Variants in FBXO11 observed in about 807,000 individuals in gnomAD.
FBXO11 encodes the protein F-box only protein 11.
In FBXO11, 13 loss-of-function variants were observed where a neutral mutation model predicts 117.0. That is an observed-to-expected ratio of 0.11 (90% CI 0.07 to 0.18). The LOEUF is 0.18. Among genes scored for constraint, FBXO11 ranks in the 10% least tolerant of loss-of-function variants. The pLI is 1.00. For missense variants in FBXO11, 767 were observed against 1,164.4 expected (o/e 0.66, Z 4.97); for synonymous variants, 490 against 380.5 (o/e 1.29, Z -3.35).
chr2:47,902,284 G>T (rs1678354556), intron 1 of FBXO11, among the ~76,000 whole-genome samples: 1 of 152,164 alleles, frequency 6.6e-6, no homozygotes, highest in African/African-American at 2.4e-5. Context: ...AGGAATTTAA[G>T]AAATTAAAAA....
rs751139104 is a variant in FBXO11 at position 47,832,493 on chromosome 2, C to G, written c.1261-7G>C. On this transcript the variant is annotated splice_polypyrimidine_tract_variant and splice_region_variant and intron_variant, in intron 10 of 22. Coordinates refer to ENST00000403359, the MANE Select transcript of FBXO11 (RefSeq NM_001190274.2). ...CATTATCCTCATATATTCCCTACAA[C>G]AAGTTATCAGAAACAAACATCAGTA... 19 of 1,611,228 alleles carry G rather than the reference C, an allele frequency of 1.2e-5. No homozygotes were observed. Among genetic ancestry groups the G allele is most frequent in the Non-Finnish European group, 1.4e-5 (17 of 1,178,960 alleles).
chr2:47,890,455 C>T (rs1429594851), intron 1 of FBXO11, among the ~76,000 whole-genome samples: 1 of 152,048 alleles, frequency 6.6e-6, no homozygotes, highest in Non-Finnish European at 1.5e-5. Context: ...TTAAAATGCC[C>T]TACATGGGGA....
chr2:47,823,690 T>A (rs1671542335), intron 11 of FBXO11, among the ~76,000 whole-genome samples: 1 of 151,832 alleles, frequency 6.6e-6, no homozygotes, highest in African/African-American at 2.4e-5. Flanking sequence ...GAGTCAGAGG[T>A]TGCAGTGAGC....
intron 16 of FBXO11, 47 bp downstream of exon 16, chr2:47,818,732 T>C: frequency 1.5e-6 from 2 of 1,362,944 alleles, no homozygotes; most frequent in South Asian, 1.4e-5. Flanking sequence ...ACACCCCACA[T>C]ACTCCTAACT....
At chr2:47,871,312 A>C (rs994898791) in intron 1 of FBXO11, among the ~76,000 whole-genome samples, 1 of 152,196 alleles carries the variant, frequency 6.6e-6, no homozygotes, top group African/African-American at 2.4e-5. Context: ...TTAGCAAGAC[A>C]CTGAAGCCTC....
Position 47,821,201 on chromosome 2 carries a change from G to A in FBXO11, c.1703-745C>T, listed in dbSNP as rs6732695. Among the ~76,000 whole-genome samples, 717 of 152,316 alleles carry A rather than the reference G, an allele frequency of 4.7e-3. 4 individuals are homozygous for A. Among genetic ancestry groups the A allele is most frequent in the African/African-American group, 0.017 (686 of 41,568 alleles). On this transcript the variant is annotated intron_variant, in intron 13 of 22. Transcript: ENST00000403359. Reference sequence around the variant, plus strand: ...TTATTAAGCATTTAGGCCAGGCGTGGTGGCTCATACCTGTAATCCCAGCAA... The same window carrying A: ...TTATTAAGCATTTAGGCCAGGCGTGATGGCTCATACCTGTAATCCCAGCAA...
chr2:47,814,007 G>A (rs1667349131), intron 16 of FBXO11, 140 bp from the exon 17 acceptor site: 1 of 617,946 alleles, frequency 1.6e-6, no homozygotes, highest in Non-Finnish European at 2.9e-6. Flanking sequence ...GATGCCCTGA[G>A]AAGAAAGTGG....
chr2:47,890,640 C>G (rs969800090), intron 1 of FBXO11, among the ~76,000 whole-genome samples: 3 of 151,894 alleles, frequency 2.0e-5, no homozygotes, highest in Non-Finnish European at 4.4e-5. Context: ...CCCATCTCTA[C>G]TAAAAATACA....
intron 1 of FBXO11, among the ~76,000 whole-genome samples, chr2:47,844,972 T>C (rs997721346): frequency 2.0e-5 from 3 of 152,240 alleles, no homozygotes; most frequent in Non-Finnish European, 2.9e-5. Flanking sequence ...GTTTGTAGTA[T>C]GCATGCATGT....
At chr2:47,850,022 G>A (rs1165380165) in intron 1 of FBXO11, among the ~76,000 whole-genome samples, 3 of 152,200 alleles carry the variant, frequency 2.0e-5, no homozygotes, top group African/African-American at 7.2e-5. Context: ...GAAATGAATA[G>A]CACTGGTGGC....
chr2:47,833,631 CTCAG>C (rs1399819030), intron 7 of FBXO11, among the ~76,000 whole-genome samples: 2 of 152,198 alleles, frequency 1.3e-5, no homozygotes, highest in African/African-American at 2.4e-5. Context: ...CTTCAAATGA[CTCAG>C]TGTTTGACAG....
intron 18 of FBXO11, among the ~76,000 whole-genome samples, chr2:47,812,642 T>A (rs559958113): frequency 6.6e-6 from 1 of 152,334 alleles, no homozygotes; most frequent in East Asian, 1.9e-4. Flanking sequence ...ATGTAAGATA[T>A]GTACAAATGT....
intron 1 of FBXO11, among the ~76,000 whole-genome samples, chr2:47,844,550 TTTTA>T (rs1673261906): frequency 1.3e-5 from 2 of 152,258 alleles, no homozygotes; most frequent in Admixed American, 6.5e-5. Context: ...ACTGTTCTGA[TTTTA>T]TTTCTCTGAT....
chr2:47,905,395 A>T, intron 1 of FBXO11, 94 bp downstream of exon 1: 3 of 1,061,868 alleles, frequency 2.8e-6, no homozygotes, highest in Non-Finnish European at 3.4e-6. Context: ...CAGGGCGCGC[A>T]GGCCGCCCCC....
intron 1 of FBXO11, among the ~76,000 whole-genome samples, chr2:47,872,674 T>C (rs900348694): frequency 5.9e-5 from 9 of 152,154 alleles, no homozygotes; most frequent in African/African-American, 2.2e-4. Flanking sequence ...TTGCACACTT[T>C]ATTACAAGTA....
At chr2:47,898,400 G>T (rs997240551) in intron 1 of FBXO11, among the ~76,000 whole-genome samples, 1 of 152,152 alleles carries the variant, frequency 6.6e-6, no homozygotes, top group African/African-American at 2.4e-5. Flanking sequence ...AGAATATTTA[G>T]TCCACAAACC....
chr2:47,863,482 ACT>A lies in FBXO11; in HGVS notation c.233-23715_233-23714del, dbSNP rs1674945061. On this transcript the variant is annotated intron_variant, in intron 1 of 22. Transcript: ENST00000403359. ...AATCATAAAGGCATTAGTTTAATAA[ACT>A]CTTCTTTAAAGAAAGGGTCTACAGA... Among the ~76,000 whole-genome samples the A allele has an allele frequency of 2.0e-5, 3 of 152,236 alleles. No homozygotes were observed. In the South Asian group the frequency reaches 6.2e-4, roughly 32 times the overall value.
chr2:47,846,666 A>G (rs1572836063), intron 1 of FBXO11, among the ~76,000 whole-genome samples: 1 of 152,134 alleles, frequency 6.6e-6, no homozygotes, highest in African/African-American at 2.4e-5. Context: ...AACGCAATCC[A>G]CATATGTAAT....
chr2:47,822,088 T>C (rs1671433123), intron 13 of FBXO11, 130 bp downstream of exon 13: 2 of 678,714 alleles, frequency 2.9e-6, no homozygotes, highest in Non-Finnish European at 5.0e-6. Flanking sequence ...CTCATTTCTT[T>C]AAAAAAGAAA....
Sources: gnomAD v4.1 joint callset for allele counts (sites outside exome capture counted in the v4.1 genomes callset) on GRCh38, gnomAD v4.1.1 for gene constraint, MANE v1.5 for transcripts, NCBI Gene and HGNC (gene_info 2026-07-23, HGNC 2026-07-21) for gene names.